C10orf90: variants seen among roughly 807,000 people sequenced by gnomAD.
C10orf90 encodes the protein (E2-independent) E3 ubiquitin-conjugating enzyme FATS.
C10orf90 carries 56 observed loss-of-function variants against 62.5 expected under a neutral mutation model. The ratio of observed to expected loss-of-function variants is 0.90; its 90% confidence interval spans 0.72 to 1.12. C10orf90 has a LOEUF of 1.12. C10orf90 is among the 50% of genes most tolerant of loss of function. The probability of loss-of-function intolerance (pLI) is 0.00; values close to 1 mark genes in which losing one functional copy is unlikely to be tolerated. For missense variants in C10orf90, 970 were observed against 880.4 expected, an observed-to-expected ratio of 1.10 and a Z score of -1.29; for synonymous variants, 386 against 340.4, an observed-to-expected ratio of 1.13 and a Z score of -1.47.
intron 4 of C10orf90, among the ~76,000 whole-genome samples, chr10:126,475,693 C>T (rs1428340248): frequency 1.3e-5 from 2 of 152,060 alleles, no homozygotes; most frequent in African/African-American, 2.4e-5. Flanking sequence ...AATCTTTAAC[C>T]TTAATTCATG....
intron 4 of C10orf90, among the ~76,000 whole-genome samples, chr10:126,491,513 T>A (rs941133445): frequency 6.6e-6 from 1 of 152,036 alleles, no homozygotes; most frequent in African/African-American, 2.4e-5. Flanking sequence ...AAATATAAAA[T>A]TAAAATTTGG....
At chr10:126,661,582 T>C (rs970842466) in intron 1 of C10orf90, among the ~76,000 whole-genome samples, 6 of 152,064 alleles carry the variant, frequency 3.9e-5, no homozygotes, top group Non-Finnish European at 5.9e-5. Context: ...CTGATGGAAA[T>C]TGACCAAAAT....
chr10:126,649,064 CTCTCTCT>C (rs1183406609), intron 1 of C10orf90, among the ~76,000 whole-genome samples: 39 of 60,742 alleles, frequency 6.4e-4, no homozygotes, highest in African/African-American at 1.8e-3. Flanking sequence ...CTCTCTCTCT[CTCTCTCT>C]CCCCCCCCCC....
chr10:126,653,842 C>T (rs759906785), intron 1 of C10orf90, among the ~76,000 whole-genome samples: 1 of 152,190 alleles, frequency 6.6e-6, no homozygotes, highest in East Asian at 1.9e-4. Context: ...AATTAATTCT[C>T]GATCTATGGG....
At chr10:126,431,154 T>C (rs1438516450) in intron 7 of C10orf90, among the ~76,000 whole-genome samples, 1 of 152,224 alleles carries the variant, frequency 6.6e-6, no homozygotes, top group Admixed American at 6.5e-5. Context: ...ACAAGGTTAA[T>C]CTTGACAAAT....
intron 4 of C10orf90, among the ~76,000 whole-genome samples, chr10:126,490,071 ATAT>A (rs2133834242): frequency 1.7e-5 from 2 of 115,016 alleles, no homozygotes; most frequent in East Asian, 4.5e-4. Context: ...AATATATAAT[ATAT>A]AATATAATAA....
At chr10:126,506,756 T>C (rs990282340) in intron 3 of C10orf90, among the ~76,000 whole-genome samples, 1 of 152,180 alleles carries the variant, frequency 6.6e-6, no homozygotes, top group Non-Finnish European at 1.5e-5. Flanking sequence ...AGGGCCTATG[T>C]GTGTTGGAAG....
chr10:126,472,926 C>T (rs1034914651), intron 4 of C10orf90, among the ~76,000 whole-genome samples: 2 of 152,264 alleles, frequency 1.3e-5, no homozygotes, highest in South Asian at 4.2e-4. Flanking sequence ...GGTACTGAGC[C>T]TTTAGCATTC....
intron 2 of C10orf90, among the ~76,000 whole-genome samples, chr10:126,610,810 T>A (rs990135117): frequency 3.3e-5 from 5 of 152,082 alleles, no homozygotes; most frequent in Non-Finnish European, 7.4e-5. Context: ...AACAGACACA[T>A]AACAAGTTAG....
intron 2 of C10orf90, among the ~76,000 whole-genome samples, chr10:126,605,741 G>A (rs1845294565): frequency 6.6e-6 from 1 of 152,206 alleles, no homozygotes; most frequent in Non-Finnish European, 1.5e-5. Context: ...GAACCCACCT[G>A]GACTCTAGCA....
intron 7 of C10orf90, among the ~76,000 whole-genome samples, chr10:126,449,211 TG>T (rs1859001097): frequency 6.6e-6 from 1 of 152,200 alleles, no homozygotes; most frequent in South Asian, 2.1e-4. Flanking sequence ...GATTTATGCC[TG>T]GGATGCAATG....
chr10:126,499,532 G>A (rs1388739216), intron 4 of C10orf90, among the ~76,000 whole-genome samples: 7 of 152,202 alleles, frequency 4.6e-5, no homozygotes, highest in Admixed American at 2.6e-4. Flanking sequence ...GGCTTGGCTT[G>A]TGTGTACATG....
intron 2 of C10orf90, among the ~76,000 whole-genome samples, chr10:126,616,871 A>G (rs1845551573): frequency 2.6e-5 from 4 of 152,196 alleles, no homozygotes; most frequent in African/African-American, 9.7e-5. Flanking sequence ...CATGACCTTC[A>G]GTGCCCCAGC....
rs1846358037 is a variant in C10orf90 at position 126,654,685 on chromosome 10, A to T, written c.241-8048T>A. 2.6e-5 allele frequency among the ~76,000 whole-genome samples: 4 copies of T among 152,236 alleles called. No individual in the cohort carries two copies. In the South Asian group the frequency reaches 8.3e-4, roughly 32 times the overall value. ...AACTTGGCTAACTCTTTGGTACAAC[A>T]GGCGCAGCTTTCAGCCTGACTGGGC... On this transcript the variant is annotated intron_variant, in intron 1 of 9. Coordinates refer to ENST00000488181, the MANE Select transcript of C10orf90 (RefSeq NM_001350921.2).
At chr10:126,492,491 T>C (rs924422924) in intron 4 of C10orf90, among the ~76,000 whole-genome samples, 10 of 152,208 alleles carry the variant, frequency 6.6e-5, no homozygotes, top group Non-Finnish European at 1.2e-4. Flanking sequence ...GTAACTCTTG[T>C]TAATACAAAA....
chr10:126,432,150 A>C (rs776031178), intron 7 of C10orf90, among the ~76,000 whole-genome samples: 22 of 152,214 alleles, frequency 1.4e-4, no homozygotes, highest in Non-Finnish European at 2.9e-4. Context: ...AAGAGACATG[A>C]GGAAGTGGTT....
chr10:126,626,997 T>TTTG, intron 2 of C10orf90, among the ~76,000 whole-genome samples: 1 of 109,160 alleles, frequency 9.2e-6, no homozygotes, highest in South Asian at 3.4e-4. Context: ...TTCTTTTTCT[T>TTTG]TTCTTTTTTT....
chr10:126,484,662 G>C (rs1249169393), intron 4 of C10orf90, among the ~76,000 whole-genome samples: 1 of 152,118 alleles, frequency 6.6e-6, no homozygotes, highest in African/African-American at 2.4e-5. Flanking sequence ...TAGTAACATA[G>C]AATCCAAAGC....
At position 126,444,311 on chromosome 10, in the gene C10orf90, G is replaced by T. The variant is rs1362461778; in HGVS notation, c.2189-14461C>A. On this transcript the variant is annotated intron_variant, in intron 7 of 9. Transcript: ENST00000488181. ...CATAAAGCTCCTGAAATTGATAAAA[G>T]AATTCATCAAAGTTTCCAGATACAA... is the stretch of plus-strand genomic sequence containing the variant. Among the ~76,000 whole-genome samples, 8 of 151,918 alleles carry T rather than the reference G, an allele frequency of 5.3e-5. No homozygotes were observed. The East Asian group carries it at 5.8e-4, about 11-fold the overall frequency.
Sources: gnomAD v4.1 joint callset for allele counts (sites outside exome capture counted in the v4.1 genomes callset) on GRCh38, gnomAD v4.1.1 for gene constraint, MANE v1.5 for transcripts, NCBI Gene and HGNC (gene_info 2026-07-23, HGNC 2026-07-21) for gene names.